The following KIF26B variants were observed in gnomAD, a reference collection of about 807,000 sequenced individuals.
KIF26B encodes the protein kinesin-like protein KIF26B.
A neutral mutation model predicts 151.2 loss-of-function variants in KIF26B; 63 were observed. That is an observed-to-expected ratio of 0.42 (90% CI 0.34 to 0.51). The LOEUF (loss-of-function observed/expected upper bound fraction) is 0.51, where lower values mean the gene tolerates loss of function less well. Among genes scored for constraint, KIF26B ranks in the 20% least tolerant of loss-of-function variants. The pLI is 0.07. For synonymous variants in KIF26B, 1,357 were observed against 1,262.1 expected (o/e 1.08, Z -1.59); for missense variants, 2,813 against 2,913.6 (o/e 0.97, Z 0.79).
At chr1:245,473,281 G>A (rs1435066656) in intron 4 of KIF26B, among the ~76,000 whole-genome samples, 7 of 152,210 alleles carry the variant, frequency 4.6e-5, no homozygotes, top group Admixed American at 4.6e-4. Flanking sequence ...GTTTCGTGAT[G>A]TGTCTTTTAT....
intron 4 of KIF26B, among the ~76,000 whole-genome samples, chr1:245,484,615 T>C (rs1660235491): frequency 6.8e-6 from 1 of 148,118 alleles, no homozygotes; most frequent in African/African-American, 2.4e-5. Flanking sequence ...GAGCATTGTT[T>C]GGAGATTGGA....
At chr1:245,588,384 G>A (rs1174165038) in intron 5 of KIF26B, among the ~76,000 whole-genome samples, 2 of 152,134 alleles carry the variant, frequency 1.3e-5, no homozygotes, top group Non-Finnish European at 2.9e-5. Flanking sequence ...GCACTTCTCT[G>A]CCAGGCGGAG....
At chr1:245,213,192 C>T (rs895175900) in intron 2 of KIF26B, among the ~76,000 whole-genome samples, 2 of 152,102 alleles carry the variant, frequency 1.3e-5, no homozygotes, top group Non-Finnish European at 1.5e-5. Flanking sequence ...ATTAACTAGG[C>T]CCTAAGGGGG....
intron 10 of KIF26B, among the ~76,000 whole-genome samples, chr1:245,672,338 C>T (rs1393588105): frequency 6.6e-6 from 1 of 152,194 alleles, no homozygotes; most frequent in African/African-American, 2.4e-5. Context: ...AAGCTTCACG[C>T]TGCTGACTAA....
intron 5 of KIF26B, among the ~76,000 whole-genome samples, chr1:245,543,426 T>C (rs967278460): frequency 6.6e-6 from 1 of 152,198 alleles, no homozygotes; most frequent in Non-Finnish European, 1.5e-5. Context: ...TCTCTCTCAC[T>C]GATTTGCAAT....
chr1:245,204,380 T>C (rs1006796205), intron 2 of KIF26B, among the ~76,000 whole-genome samples: 2 of 36,298 alleles, frequency 5.5e-5, no homozygotes, highest in African/African-American at 5.5e-5. Flanking sequence ...AGATCTCTCT[T>C]TTTTTTTTTT....
At chr1:245,351,217 C>T (rs904693263) in intron 2 of KIF26B, among the ~76,000 whole-genome samples, 2 of 152,204 alleles carry the variant, frequency 1.3e-5, no homozygotes, top group Non-Finnish European at 2.9e-5. Flanking sequence ...TTCATCTTTG[C>T]CTCTCTCTAG....
At chr1:245,547,122 CCAT>C (rs1187010125) in intron 5 of KIF26B, among the ~76,000 whole-genome samples, 1 of 152,236 alleles carries the variant, frequency 6.6e-6, no homozygotes, top group Non-Finnish European at 1.5e-5. Context: ...GCCAGAAGGG[CCAT>C]GCTATTTCTG....
chr1:245,338,599 T>C (rs183297636), intron 2 of KIF26B, among the ~76,000 whole-genome samples: 2 of 152,362 alleles, frequency 1.3e-5, no homozygotes, highest in African/African-American at 4.8e-5. Flanking sequence ...TGTGTGGTAG[T>C]AAGCACAACT....
At chr1:245,381,531 A>G (rs1257191097) in intron 3 of KIF26B, among the ~76,000 whole-genome samples, 2 of 152,008 alleles carry the variant, frequency 1.3e-5, no homozygotes, top group East Asian at 1.9e-4. Flanking sequence ...CATTAGTGTC[A>G]GTGTTTTTTA....
chr1:245,443,600 C>G (rs1277002137), intron 4 of KIF26B, among the ~76,000 whole-genome samples: 1 of 113,464 alleles, frequency 8.8e-6, no homozygotes, highest in Non-Finnish European at 1.9e-5. Context: ...TCACCGTTCA[C>G]CTAGAGCGGT....
At position 245,686,003 on chromosome 1, in the gene KIF26B, C is replaced by T. The variant is rs2044510356; in HGVS notation, c.3020C>T (p.Pro1007Leu). Residue 1007 changes from proline to leucine, a missense_variant, in exon 12 of 15, where the codon CCT (proline) becomes CTT (leucine). By Grantham distance (98) the Pro-to-Leu change is moderately conservative. Coordinates refer to ENST00000407071, the MANE Select transcript of KIF26B (RefSeq NM_018012.4). This position sits in a 1 kb window ranked among gnomAD's most constrained non-coding sequence, Gnocchi z 5.6. ...TCCAAGATGCAGAGGAGTCACTCAC[C>T]TGTGCCCGCCGCGGCACCCGCCCAC... ...PASKMQRSHS[P>L]VPAAAPAHSP... The T allele has an allele frequency of 6.3e-7, 1 of 1,586,866 alleles. No individual in the cohort carries two copies.
At chr1:245,273,943 C>G in intron 2 of KIF26B, among the ~76,000 whole-genome samples, 1 of 152,176 alleles carries the variant, frequency 6.6e-6, no homozygotes, top group East Asian at 1.9e-4. Flanking sequence ...TTTTGTCCCT[C>G]TCACTGTCTT....
At chr1:245,386,021 A>G (rs1043957530) in intron 3 of KIF26B, among the ~76,000 whole-genome samples, 2 of 152,164 alleles carry the variant, frequency 1.3e-5, no homozygotes, top group African/African-American at 4.8e-5. Context: ...AGGCTGAGCC[A>G]TCTGAGGTCA....
At chr1:245,434,354 T>G (rs1166261887) in intron 4 of KIF26B, among the ~76,000 whole-genome samples, 1 of 152,196 alleles carries the variant, frequency 6.6e-6, no homozygotes, top group South Asian at 2.1e-4. Context: ...GAGTCAGTGA[T>G]TCCAGTGTTT....
chr1:245,589,455 C>A lies in KIF26B; in HGVS notation c.1351-13122C>A, dbSNP rs189481098. 5.6e-3 allele frequency among the ~76,000 whole-genome samples: 853 copies of A among 152,314 alleles called. 6 individuals carry two copies. Among genetic ancestry groups the A allele is most frequent in the Middle Eastern group, 0.014 (4 of 294 alleles). On this transcript the variant is annotated intron_variant, in intron 5 of 14. Coordinates refer to ENST00000407071, the MANE Select transcript of KIF26B (RefSeq NM_018012.4). ...AGGGGGCTGATGCTGTCACCCCTAG[C>A]TCCTTCTGCAGGTCTCCTCCGTACG...
intron 9 of KIF26B, among the ~76,000 whole-genome samples, chr1:245,622,522 C>T (rs1264334975): frequency 1.3e-5 from 2 of 152,180 alleles, no homozygotes; most frequent in Non-Finnish European, 2.9e-5. Context: ...CCACGCACCC[C>T]GAGTGCCACC....
intron 9 of KIF26B, among the ~76,000 whole-genome samples, chr1:245,619,009 T>G (rs1349023410): frequency 5.6e-5 from 8 of 143,248 alleles, no homozygotes; most frequent in African/African-American, 1.9e-4. Flanking sequence ...AGACTATAGG[T>G]TCCTTGAGAC....
At chr1:245,561,034 A>G (rs1056949015) in intron 5 of KIF26B, among the ~76,000 whole-genome samples, 2 of 152,180 alleles carry the variant, frequency 1.3e-5, no homozygotes, top group African/African-American at 4.8e-5. Context: ...GGAGAAACCA[A>G]AGTGCCTCAG....
Sources: gnomAD v4.1 joint callset for allele counts (sites outside exome capture counted in the v4.1 genomes callset) on GRCh38, gnomAD v4.1.1 for gene constraint, Gnocchi (gnomAD v3.1) non-coding constraint, MANE v1.5 for transcripts, NCBI Gene and HGNC (gene_info 2026-07-23, HGNC 2026-07-21) for gene names.